Variants in DLG2 observed in about 807,000 individuals in gnomAD.
DLG2 encodes disks large homolog 2.
A neutral mutation model predicts 132.5 loss-of-function variants in DLG2; 45 were observed. The ratio of observed to expected loss-of-function variants is 0.34; its 90% CI spans 0.27 to 0.44. The LOEUF is 0.44. DLG2 is among the 20% of genes least tolerant of loss of function. The probability of loss-of-function intolerance (pLI) is 1.00; values close to 1 mark genes in which losing one functional copy is unlikely to be tolerated. For missense variants in DLG2, 1,045 were observed against 1,196.9 expected (o/e 0.87, Z 1.87); for synonymous variants, 424 against 419.6 (o/e 1.01, Z -0.13).
intron 11 of DLG2, among the ~76,000 whole-genome samples, chr11:84,007,882 T>C (rs999613032): frequency 1.3e-5 from 2 of 151,806 alleles, no homozygotes; most frequent in Non-Finnish European, 3.0e-5. Flanking sequence ...ATTATGATAA[T>C]GTATGAGAAG....
rs5793132 is a variant in DLG2, at chr11:84,703,857, G to GATATATATATATATAT, written c.358-169142_358-169127dup. 6.0e-3 allele frequency among the ~76,000 whole-genome samples: 612 copies of GATATATATATATATAT among 102,556 alleles called. 20 individuals carry two copies. The highest frequency in any genetic ancestry group is 0.02 in the African/African-American group (491 of 24,196). 67.3% of individuals were successfully genotyped at this position (102,556 alleles called of 152,430 possible). The stretch of plus-strand genomic sequence containing the variant: ...AATAATGCTAAAACTATGTAGTGAA[G>GATATATATATATATAT]ATATATATATATATATATATATATA... On this transcript the variant is annotated intron_variant, in intron 6 of 27. Transcript: ENST00000376104.
intron 11 of DLG2, among the ~76,000 whole-genome samples, chr11:84,049,455 T>G (rs1006740577): frequency 2.6e-5 from 4 of 151,810 alleles, no homozygotes; most frequent in Non-Finnish European, 5.9e-5. Flanking sequence ...CTCTTCGCAG[T>G]TGAAAAACTG....
chr11:85,176,915 T>A (rs1287929430), intron 4 of DLG2, among the ~76,000 whole-genome samples: 1 of 152,026 alleles, frequency 6.6e-6, no homozygotes, highest in African/African-American at 2.4e-5. Flanking sequence ...GATATACCAT[T>A]TCATGCCAGT....
At chr11:85,017,694 T>G (rs938814785) in intron 6 of DLG2, among the ~76,000 whole-genome samples, 11 of 152,142 alleles carry the variant, frequency 7.2e-5, no homozygotes, top group Non-Finnish European at 1.6e-4. Context: ...ACCACAATAT[T>G]GTGGTAAATG....
intron 6 of DLG2, among the ~76,000 whole-genome samples, chr11:84,991,536 AAAGG>A (rs1566593917): frequency 6.6e-6 from 1 of 150,408 alleles, no homozygotes; most frequent in Non-Finnish European, 1.5e-5. Flanking sequence ...AGAAAGAAAG[AAAGG>A]AAGAAAGAAA....
At chr11:83,536,007 A>G (rs375314852) in intron 20 of DLG2, among the ~76,000 whole-genome samples, 15 of 152,198 alleles carry the variant, frequency 9.9e-5, no homozygotes, top group African/African-American at 3.4e-4. Flanking sequence ...GGGAAACAGC[A>G]TTCAGGTACC....
At chr11:84,693,175 T>C (rs879142353) in intron 6 of DLG2, among the ~76,000 whole-genome samples, 2 of 151,844 alleles carry the variant, frequency 1.3e-5, no homozygotes, top group African/African-American at 4.8e-5. Context: ...TGTTAGGCAG[T>C]ATATTATCGC....
At chr11:85,243,777 C>T (rs1345572912) in intron 4 of DLG2, among the ~76,000 whole-genome samples, 1 of 151,960 alleles carries the variant, frequency 6.6e-6, no homozygotes, top group African/African-American at 2.4e-5. Context: ...ACCACCCGCC[C>T]AACCTTGAAT....
intron 6 of DLG2, among the ~76,000 whole-genome samples, chr11:84,738,029 C>T (rs962506505): frequency 1.3e-5 from 2 of 151,998 alleles, no homozygotes; most frequent in Non-Finnish European, 2.9e-5. Flanking sequence ...CTTTTGGTAA[C>T]TCTAACTTGG....
chr11:84,558,865 C>T (rs2099417303), intron 6 of DLG2, among the ~76,000 whole-genome samples: 1 of 152,128 alleles, frequency 6.6e-6, no homozygotes, highest in African/African-American at 2.4e-5. Context: ...GTCTCAGCTT[C>T]AAGAGTACTC....
chr11:85,523,179 T>C (rs1314372717), intron 3 of DLG2, among the ~76,000 whole-genome samples: 2 of 152,196 alleles, frequency 1.3e-5, no homozygotes, highest in East Asian at 1.9e-4. Flanking sequence ...CAAGATCTGA[T>C]GGTTTTGTGA....
At chr11:84,059,187 A>G in intron 11 of DLG2, 128 bp downstream of exon 11, 1 of 848,628 alleles carries the variant, frequency 1.2e-6, no homozygotes, top group Non-Finnish European at 1.8e-6. Context: ...CCACTACTGT[A>G]GGATTTTAAA....
intron 6 of DLG2, among the ~76,000 whole-genome samples, chr11:84,747,757 T>C (rs140486076): frequency 6.6e-6 from 1 of 152,084 alleles, no homozygotes; most frequent in African/African-American, 2.4e-5. Context: ...ACTTCTTATA[T>C]GTGCTAATTT....
intron 7 of DLG2, among the ~76,000 whole-genome samples, chr11:84,392,828 A>G (rs1231456463): frequency 2.0e-5 from 3 of 152,132 alleles, no homozygotes; most frequent in African/African-American, 7.2e-5. Flanking sequence ...CTAGGATTCT[A>G]ATTTGGGCAG....
Position 83,795,417 on chromosome 11 carries a change from AT to A in DLG2, c.1723-8626del, listed in dbSNP as rs1264427490. ...AGTGAGACTCTTTATAAGAAAAAAA[AT>A]ATCTATATCTATATCTATATCTATA... is the stretch of plus-strand genomic sequence containing the variant. On this transcript the variant is annotated intron_variant, in intron 17 of 27. Coordinates refer to ENST00000376104, the MANE Select transcript of DLG2 (RefSeq NM_001142699.3). Among the ~76,000 whole-genome samples, 271 of 142,502 alleles carry A rather than the reference AT, an allele frequency of 1.9e-3. 1 individual carries two copies. The highest frequency in any genetic ancestry group is 7.0e-3 in the African/African-American group (257 of 36,650). 93.5% of individuals were successfully genotyped at this position (142,502 alleles called of 152,430 possible).
intron 16 of DLG2, among the ~76,000 whole-genome samples, chr11:83,852,700 G>A (rs756317000): frequency 1.3e-5 from 2 of 152,094 alleles, no homozygotes; most frequent in Non-Finnish European, 2.9e-5. Context: ...CTGTATAAAT[G>A]TCCTGTATAA....
chr11:84,663,884 C>T (rs2099697332), intron 6 of DLG2, among the ~76,000 whole-genome samples: 1 of 152,180 alleles, frequency 6.6e-6, no homozygotes, highest in Non-Finnish European at 1.5e-5. Context: ...TCTTCCCCTA[C>T]TCAATTCAAA....
At chr11:85,195,321 A>C (rs1291119407) in intron 4 of DLG2, among the ~76,000 whole-genome samples, 1 of 152,172 alleles carries the variant, frequency 6.6e-6, no homozygotes, top group Non-Finnish European at 1.5e-5. Context: ...AGAAGGCAGC[A>C]TGCATGGATG....
chr11:83,544,543 G>A (rs2096184029), intron 19 of DLG2, among the ~76,000 whole-genome samples: 1 of 151,980 alleles, frequency 6.6e-6, no homozygotes, highest in African/African-American at 2.4e-5. Flanking sequence ...CCAGAACTTG[G>A]GTCTCCAGAT....
Sources: allele counts gnomAD v4.1 joint callset (sites outside exome capture counted in the v4.1 genomes callset), GRCh38; gene constraint gnomAD v4.1.1; transcripts MANE v1.5; gene names NCBI Gene and HGNC (gene_info 2026-07-23, HGNC 2026-07-21).